The following RFX2 variants were observed in gnomAD, a reference collection of about 807,000 sequenced individuals.
RFX2 encodes the protein DNA-binding protein RFX2.
RFX2 carries 20 observed loss-of-function variants against 87.8 expected under a neutral mutation model. The ratio of observed to expected loss-of-function variants is 0.23; its 90% confidence interval spans 0.16 to 0.33. The LOEUF (loss-of-function observed/expected upper bound fraction) is 0.33, where lower values mean the gene tolerates loss of function less well. RFX2 is among the 10% of genes least tolerant of loss of function. RFX2 has a pLI of 1.00. For missense variants in RFX2, 767 were observed against 1,012.3 expected, an observed-to-expected ratio of 0.76 and a Z score of 3.29; for synonymous variants, 397 against 431.3, an observed-to-expected ratio of 0.92 and a Z score of 0.98.
chr19:6,006,511 G>A (rs1045866675), intron 12 of RFX2, among the ~76,000 whole-genome samples: 16 of 143,594 alleles, frequency 1.1e-4, no homozygotes, highest in Admixed American at 2.1e-4. Context: ...GTGCAGTGGT[G>A]TGATCTCGGC....
chr19:6,082,115 C>T (rs979053611), intron 1 of RFX2, among the ~76,000 whole-genome samples: 2 of 151,634 alleles, frequency 1.3e-5, no homozygotes, highest in Non-Finnish European at 2.9e-5. Context: ...CAAAATAAAA[C>T]AAAAACAAAA....
chr19:6,046,672 T>C (rs1406940483), intron 2 of RFX2, among the ~76,000 whole-genome samples: 1 of 138,012 alleles, frequency 7.2e-6, no homozygotes, highest in Non-Finnish European at 1.5e-5. Flanking sequence ...TACAGCTCAC[T>C]GCAGCCTCAA....
At chr19:6,008,280 CAA>C in intron 9 of RFX2, 56 bp from the exon 10 acceptor site, 6 of 1,167,014 alleles carry the variant, frequency 5.1e-6, no homozygotes, top group African/African-American at 1.5e-5. Flanking sequence ...ACACCGTGGA[CAA>C]CTGGAAGGCC....
At position 6,002,837 on chromosome 19, in the gene RFX2, G is replaced by T. The variant is rs766679109; in HGVS notation, c.1534C>A (p.Arg512=). 2.5e-6 allele frequency: 4 copies of T among 1,611,708 alleles called. No homozygotes were observed. In the Admixed American group the frequency reaches 6.7e-5, roughly 27 times the overall value. ...AGGTGGTTGAGGGACGTGTAGCGCCGCAGCGTCTGGGCGAAGGCACTGACG... is the reference window on the plus strand; with the variant it reads ...AGGTGGTTGAGGGACGTGTAGCGCCTCAGCGTCTGGGCGAAGGCACTGACG... ...GVVSAFAQTL[R]RYTSLNHLAQ... Residue 512 remains arginine (R), a synonymous_variant, in exon 14 of 18, where the codon CGG becomes AGG. Coordinates refer to ENST00000303657, the MANE Select transcript of RFX2 (RefSeq NM_000635.4). The surrounding 1 kb of genome is among the most constrained non-coding windows in gnomAD (Gnocchi z 6.7).
At chr19:6,099,987 C>A (rs1270627739) in intron 1 of RFX2, among the ~76,000 whole-genome samples, 6 of 152,156 alleles carry the variant, frequency 3.9e-5, no homozygotes, top group Non-Finnish European at 8.8e-5. Context: ...GTCTCCCCAA[C>A]CAAGAATAAT....
chr19:6,005,256 G>A (rs533715218), intron 12 of RFX2, among the ~76,000 whole-genome samples: 14 of 152,356 alleles, frequency 9.2e-5, no homozygotes, highest in Non-Finnish European at 1.5e-4. Flanking sequence ...CAATACTTTT[G>A]CTGTTTCCCA....
At chr19:6,028,013 C>T (rs1383343701) in intron 5 of RFX2, among the ~76,000 whole-genome samples, 1 of 152,190 alleles carries the variant, frequency 6.6e-6, no homozygotes, top group Admixed American at 6.5e-5. Context: ...CCGCCCACCT[C>T]GGCCTCCCAA....
chr19:6,090,433 C>A (rs2087917106), intron 1 of RFX2, among the ~76,000 whole-genome samples: 1 of 150,076 alleles, frequency 6.7e-6, no homozygotes. Context: ...GATGAAAGCA[C>A]ATGAAAAGAG....
At position 6,056,710 on chromosome 19, in the gene RFX2, T is replaced by G. The variant is rs909433319; in HGVS notation, c.-8-9206A>C. On this transcript the variant is annotated intron_variant, in intron 1 of 17. Coordinates refer to ENST00000303657, the MANE Select transcript of RFX2 (RefSeq NM_000635.4). This position sits in a 1 kb window ranked among gnomAD's most constrained non-coding sequence, Gnocchi z 4.6. ...TGAACCTGAATCTGCTGTGGGAACT[T>G]GGACCCATTCAGTGACTGCCCTGCC... 1.3e-5 allele frequency among the ~76,000 whole-genome samples: 2 copies of G among 152,226 alleles called. No homozygotes were observed. Among genetic ancestry groups the G allele is most frequent in the Non-Finnish European group, 2.9e-5 (2 of 68,036 alleles).
rs1156766777 is a variant in RFX2 at position 6,045,498 on chromosome 19, G to A, written c.91-1216C>T. Among the ~76,000 whole-genome samples, 2 of 152,156 alleles carry A rather than the reference G, an allele frequency of 1.3e-5. No individual in the cohort carries two copies. Among genetic ancestry groups the A allele is most frequent in the African/African-American group, 4.8e-5 (2 of 41,414 alleles). On this transcript the variant is annotated intron_variant, in intron 2 of 17. Coordinates refer to ENST00000303657, the MANE Select transcript of RFX2 (RefSeq NM_000635.4). The surrounding 1 kb of genome is among the most constrained non-coding windows in gnomAD (Gnocchi z 5.2). ...GAAACATATCAATTAGGCCACAACT[G>A]CTGGCAGGGCGACGGCGTCTGATCC...
At position 6,044,026 on chromosome 19, in the gene RFX2, A is replaced by AT. The variant is rs922587266; in HGVS notation, c.180+166dup. 6.6e-5 allele frequency among the ~76,000 whole-genome samples: 10 copies of AT among 152,200 alleles called. No homozygotes were observed. The highest frequency in any genetic ancestry group is 1.2e-4 in the African/African-American group (5 of 41,454). On this transcript the variant is annotated intron_variant, in intron 3 of 17. Transcript: ENST00000303657. The surrounding 1 kb of genome is among the most constrained non-coding windows in gnomAD (Gnocchi z 5.3). ...TCTGCAAAACTATCTGCAGTAAATG[A>AT]TTTTTTTAAAATTGCACAGCTTCTG...
intron 5 of RFX2, among the ~76,000 whole-genome samples, chr19:6,028,616 A>G (rs986284922): frequency 6.6e-6 from 1 of 152,216 alleles, no homozygotes; most frequent in African/African-American, 2.4e-5. Context: ...TCACAAAAGC[A>G]GTCAAAAAAT....
Position 6,050,949 on chromosome 19 carries a change from T to A in RFX2, c.-8-3445A>T, listed in dbSNP as rs1172326105. Among the ~76,000 whole-genome samples, 1 of 152,156 alleles carries A rather than the reference T, an allele frequency of 6.6e-6. No individual in the cohort carries two copies. Among genetic ancestry groups the A allele is most frequent in the Non-Finnish European group, 1.5e-5 (1 of 68,028 alleles). On this transcript the variant is annotated intron_variant, in intron 1 of 17. Coordinates refer to ENST00000303657, the MANE Select transcript of RFX2 (RefSeq NM_000635.4). This position sits in a 1 kb window ranked among gnomAD's most constrained non-coding sequence, Gnocchi z 4.6. ...AACAAGGGCACAGATGATGACTGGC[T>A]TCTCATCAATAACAATGGCAACCAG...
At chr19:6,059,291 A>G (rs995892944) in intron 1 of RFX2, among the ~76,000 whole-genome samples, 1 of 152,072 alleles carries the variant, frequency 6.6e-6, no homozygotes, top group African/African-American at 2.4e-5. Flanking sequence ...TGATTTGACT[A>G]TTAATATAAA....
intron 1 of RFX2, among the ~76,000 whole-genome samples, chr19:6,105,115 TC>T (rs2088193535): frequency 1.5e-5 from 2 of 131,314 alleles, no homozygotes; most frequent in African/African-American, 6.1e-5. Flanking sequence ...AGACTCCGTC[TC>T]ACAAAAAAAA....
rs553721219 is a variant in RFX2, at chr19:6,053,955, C to CAAA, written c.-8-6454_-8-6452dup. On this transcript the variant is annotated intron_variant, in intron 1 of 17. Transcript: ENST00000303657. Reference sequence around the variant, plus strand: ...TGGGTGACAGAGCAAGACTCTATCTCAAAAAAAAAAAAAAAAAAAAAGCAA... The same window carrying CAAA: ...TGGGTGACAGAGCAAGACTCTATCTCAAAAAAAAAAAAAAAAAAAAAAAAGCAA... 4.6e-4 allele frequency among the ~76,000 whole-genome samples: 22 copies of CAAA among 47,986 alleles called. 1 individual carries two copies. The highest frequency in any genetic ancestry group is 7.1e-4 in the South Asian group (1 of 1,402). The allele number at this position is 47,986 out of a possible 152,430, so 31.5% of individuals were successfully genotyped here.
In RFX2 at chr19:5,994,203, A is replaced by G. The variant is rs1357035317; in HGVS notation, c.*632T>C. The G allele has an allele frequency of 6.6e-6, 1 of 152,284 alleles. No homozygotes were observed. Among genetic ancestry groups the G allele is most frequent in the Non-Finnish European group, 1.5e-5 (1 of 68,100 alleles). The allele number at this position is 152,284 out of a possible 1,614,324, so 9.4% of individuals were successfully genotyped here. A position where few individuals can be genotyped will look rare whatever the true frequency, so the allele number is the denominator to read the frequency against. On this transcript the variant is annotated 3_prime_UTR_variant, in exon 18 of 18. Coordinates refer to ENST00000303657, the MANE Select transcript of RFX2 (RefSeq NM_000635.4). ...GCATCTGGAGATGGGTTCCTGCAGC[A>G]CAGCCGGCCTCCCGCCTCGGGGCAT... is the stretch of plus-strand genomic sequence containing the variant.
intron 1 of RFX2, among the ~76,000 whole-genome samples, chr19:6,100,750 CTT>C (rs1376240891): frequency 6.6e-6 from 1 of 151,824 alleles, no homozygotes; most frequent in South Asian, 2.1e-4. Context: ...ATTGATGAGT[CTT>C]TTCTTTTGCA....
chr19:6,057,575 G>A (rs1484000636), intron 1 of RFX2, among the ~76,000 whole-genome samples: 1 of 152,174 alleles, frequency 6.6e-6, no homozygotes, highest in East Asian at 1.9e-4. Flanking sequence ...TAGCTGAGTG[G>A]TTTTAGTTAC....
Sources: allele counts gnomAD v4.1 joint callset (sites outside exome capture counted in the v4.1 genomes callset), GRCh38; gene constraint gnomAD v4.1.1; non-coding constraint Gnocchi (gnomAD v3.1); transcripts MANE v1.5; gene names NCBI Gene and HGNC (gene_info 2026-07-23, HGNC 2026-07-21).